GNA12: variants seen among roughly 807,000 people sequenced by gnomAD.
The protein encoded by GNA12 is guanine nucleotide-binding protein subunit alpha-12.
A neutral mutation model predicts 26.0 loss-of-function variants in GNA12; 9 were observed. That is an observed-to-expected ratio of 0.35 (90% CI 0.21 to 0.60). The LOEUF (loss-of-function observed/expected upper bound fraction) is 0.60, where lower values mean the gene tolerates loss of function less well. Among genes scored for constraint, GNA12 ranks in the 20% least tolerant of loss-of-function variants. The pLI is 0.78. For synonymous variants in GNA12, 264 were observed against 219.6 expected (o/e 1.20, Z -1.79); for missense variants, 405 against 525.8 (o/e 0.77, Z 2.25).
chr7:2,824,307 T>G (rs1793433340), intron 1 of GNA12, among the ~76,000 whole-genome samples: 1 of 152,082 alleles, frequency 6.6e-6, no homozygotes, highest in Admixed American at 6.5e-5. Context: ...CACACAGAGT[T>G]AAGGCCCGCG....
intron 1 of GNA12, among the ~76,000 whole-genome samples, chr7:2,813,710 TAGG>T (rs923680902): frequency 1.1e-4 from 16 of 152,306 alleles, no homozygotes; most frequent in African/African-American, 3.4e-4. Flanking sequence ...GCGTATTCGT[TAGG>T]AGATCTGGGA....
At chr7:2,774,941 T>G (rs1487394193) in intron 2 of GNA12, among the ~76,000 whole-genome samples, 2 of 152,218 alleles carry the variant, frequency 1.3e-5, no homozygotes, top group East Asian at 3.8e-4. Flanking sequence ...AATAATATTC[T>G]CAAAAGAGTA....
At chr7:2,804,112 A>G (rs541830922) in intron 1 of GNA12, among the ~76,000 whole-genome samples, 1 of 152,244 alleles carries the variant, frequency 6.6e-6, no homozygotes, top group African/African-American at 2.4e-5. Flanking sequence ...AAAGATCAGC[A>G]AAACTTGAGA....
At chr7:2,743,018 A>AG in intron 2 of GNA12, among the ~76,000 whole-genome samples, 1 of 152,220 alleles carries the variant, frequency 6.6e-6, no homozygotes, top group Non-Finnish European at 1.5e-5. Context: ...TTCAGACAGA[A>AG]AGCCTACCAT....
chr7:2,830,702 C>G (rs772030811), intron 1 of GNA12, among the ~76,000 whole-genome samples: 1 of 152,244 alleles, frequency 6.6e-6, no homozygotes, highest in Admixed American at 6.5e-5. Flanking sequence ...GAATCCCACC[C>G]ATCAGAGTAA....
At chr7:2,772,821 T>G (rs931680113) in intron 2 of GNA12, among the ~76,000 whole-genome samples, 1 of 152,130 alleles carries the variant, frequency 6.6e-6, no homozygotes, top group Non-Finnish European at 1.5e-5. Context: ...CATATATCCA[T>G]TAAGAGACCT....
chr7:2,810,350 G>C (rs1270724506), intron 1 of GNA12, among the ~76,000 whole-genome samples: 1 of 152,136 alleles, frequency 6.6e-6, no homozygotes, highest in Non-Finnish European at 1.5e-5. Flanking sequence ...CTCTGTCCTT[G>C]TGATCTCATC....
intron 1 of GNA12, among the ~76,000 whole-genome samples, chr7:2,812,358 G>A (rs549880771): frequency 1.2e-4 from 19 of 152,262 alleles, no homozygotes; most frequent in Admixed American, 7.2e-4. Flanking sequence ...GGCTGGGTGC[G>A]GTGGCTCACG....
intron 2 of GNA12, among the ~76,000 whole-genome samples, chr7:2,735,528 G>GT (rs1358113800): frequency 6.6e-6 from 1 of 152,152 alleles, no homozygotes; most frequent in Non-Finnish European, 1.5e-5. Flanking sequence ...GGACAAGCTC[G>GT]ATGGGAAGCA....
rs555049794 is a variant in GNA12, at chr7:2,756,221, G to T, written c.526-22720C>A. Among the ~76,000 whole-genome samples the T allele has an allele frequency of 2.6e-5, 4 of 152,236 alleles. No homozygotes were observed. In the South Asian group the frequency reaches 8.3e-4, roughly 32 times the overall value. On this transcript the variant is annotated intron_variant, in intron 2 of 3. Transcript: ENST00000275364. The stretch of plus-strand genomic sequence containing the variant: ...GGAAAGGAAAAGTTTTCAACAAATG[G>T]TGCTGGAAAAACTGGTGATCTGCAC...
intron 2 of GNA12, among the ~76,000 whole-genome samples, chr7:2,786,199 C>T (rs1351849226): frequency 6.6e-6 from 1 of 152,180 alleles, no homozygotes; most frequent in African/African-American, 2.4e-5. Context: ...ATGCCAGTCT[C>T]CTGGTTTTCA....
chr7:2,830,915 T>G (rs1441256440), intron 1 of GNA12, among the ~76,000 whole-genome samples: 2 of 151,636 alleles, frequency 1.3e-5, no homozygotes, highest in African/African-American at 4.9e-5. Context: ...CACATCAGCC[T>G]AGGTGACAGA....
chr7:2,784,481 G>A (rs1242808504), intron 2 of GNA12, among the ~76,000 whole-genome samples: 1 of 152,170 alleles, frequency 6.6e-6, no homozygotes, highest in Non-Finnish European at 1.5e-5. Context: ...TACTGCCAAA[G>A]AATAGAATAA....
chr7:2,797,194 G>T (rs1315281736), intron 1 of GNA12, among the ~76,000 whole-genome samples: 2 of 152,170 alleles, frequency 1.3e-5, no homozygotes, highest in Non-Finnish European at 2.9e-5. Context: ...CACCCAGGCT[G>T]GAGTGCAGTG....
chr7:2,765,721 C>G (rs1342527719), intron 2 of GNA12, among the ~76,000 whole-genome samples: 1 of 151,994 alleles, frequency 6.6e-6, no homozygotes, highest in Non-Finnish European at 1.5e-5. Context: ...ACCTCCGCCT[C>G]CTGGGTTCAA....
chr7:2,837,010 G>A lies in GNA12; in HGVS notation c.309+6843C>T, dbSNP rs1454896169. Among the ~76,000 whole-genome samples, 5 of 152,280 alleles carry A rather than the reference G, an allele frequency of 3.3e-5. No individual in the cohort carries two copies. The East Asian group carries it at 7.7e-4, about 24-fold the overall frequency. On this transcript the variant is annotated intron_variant, in intron 1 of 3. Coordinates refer to ENST00000275364, the MANE Select transcript of GNA12 (RefSeq NM_007353.3). ...ACTGAGGTTTCAGTGGAATTGAGGG[G>A]GAAATTGATCTTCTACCCTCAAGGA... is the stretch of plus-strand genomic sequence containing the variant.
intron 1 of GNA12, among the ~76,000 whole-genome samples, chr7:2,795,798 G>A (rs1176015821): frequency 6.7e-6 from 1 of 148,868 alleles, no homozygotes; most frequent in Non-Finnish European, 1.5e-5. Flanking sequence ...AAAATGAAGT[G>A]TATCAGTAAA....
chr7:2,825,562 G>C (rs553906272), intron 1 of GNA12, among the ~76,000 whole-genome samples: 2 of 152,336 alleles, frequency 1.3e-5, no homozygotes, highest in South Asian at 4.1e-4. Context: ...CTATCTCAGA[G>C]AGGAGGAGAA....
intron 2 of GNA12, among the ~76,000 whole-genome samples, chr7:2,769,964 G>A (rs1562419242): frequency 6.6e-6 from 1 of 151,968 alleles, no homozygotes; most frequent in African/African-American, 2.4e-5. Flanking sequence ...TCATGGGGGG[G>A]CAAGTACTTT....
Sources: gnomAD v4.1 joint callset for allele counts (sites outside exome capture counted in the v4.1 genomes callset) on GRCh38, gnomAD v4.1.1 for gene constraint, MANE v1.5 for transcripts, NCBI Gene and HGNC (gene_info 2026-07-23, HGNC 2026-07-21) for gene names.